The following ABCA12 variants were observed in gnomAD, a reference collection of about 807,000 sequenced individuals.
ABCA12 encodes ATP binding cassette subfamily A member 12, also known as glucosylceramide transporter ABCA12.
ABCA12 carries 156 observed loss-of-function variants against 293.5 expected under a neutral mutation model. The observed-to-expected ratio is 0.53, with a 90% CI of 0.47 to 0.61. ABCA12 has a LOEUF of 0.61. Ranked by LOEUF, ABCA12 falls within the 20% of genes least tolerant of loss-of-function variation. The pLI, the probability that ABCA12 is intolerant of heterozygous loss-of-function variation, is 0.00. For synonymous variants in ABCA12, 1,063 were observed against 1,108.0 expected (o/e 0.96, Z 0.81); for missense variants, 2,797 against 3,090.2 (o/e 0.91, Z 2.25).
At chr2:215,072,225 A>G (rs1701752139) in intron 2 of ABCA12, among the ~76,000 whole-genome samples, 1 of 152,136 alleles carries the variant, frequency 6.6e-6, no homozygotes, top group South Asian at 2.1e-4. Flanking sequence ...GATCTTTCTG[A>G]CATCCTCTGC....
rs146677822 is a variant in ABCA12 at position 215,078,326 on chromosome 2, C to A, written c.164-14107G>T. On this transcript the variant is annotated intron_variant, in intron 2 of 52. Transcript: ENST00000272895. ...TGGCAAACTCAGGCCAGCAGTCTGC[C>A]ACTTGGTAGAGCAAAGTAACTTGAG... Among the ~76,000 whole-genome samples, 280 of 152,290 alleles carry A rather than the reference C, an allele frequency of 1.8e-3. 1 individual carries two copies. The highest frequency in any genetic ancestry group is 6.2e-3 in the African/African-American group (259 of 41,564).
intron 21 of ABCA12, 115 bp downstream of exon 21, chr2:215,001,443 G>C (rs1303884187): frequency 7.8e-7 from 1 of 1,275,936 alleles, no homozygotes; most frequent in African/African-American, 1.5e-5. Context: ...AAGGACATCA[G>C]AGGACCTAAG....
intron 41 of ABCA12, among the ~76,000 whole-genome samples, chr2:214,957,634 A>G (rs1441591295): frequency 3.3e-5 from 5 of 152,194 alleles, no homozygotes; most frequent in Non-Finnish European, 7.3e-5. Context: ...CAACTCAGAC[A>G]ATTTCACCAT....
At chr2:214,989,755 A>G (rs1465160381) in intron 24 of ABCA12, 134 bp from the exon 25 acceptor site, 57 of 928,528 alleles carry the variant, frequency 6.1e-5, no homozygotes, top group Non-Finnish European at 7.0e-5. Context: ...ATATTTAAAA[A>G]TACAGCAGTC....
chr2:215,071,756 C>T lies in ABCA12; in HGVS notation c.164-7537G>A, dbSNP rs1302137373. Among the ~76,000 whole-genome samples, 7 of 152,278 alleles carry T rather than the reference C, an allele frequency of 4.6e-5. No individual in the cohort carries two copies. In the East Asian group the frequency reaches 5.8e-4, roughly 13 times the overall value. ...GGAACCATGAGTTACCATTGCTCATCGGGCTTCTCTTGCATCATTCATCTT... is the reference window on the plus strand; with the variant it reads ...GGAACCATGAGTTACCATTGCTCATTGGGCTTCTCTTGCATCATTCATCTT... On this transcript the variant is annotated intron_variant, in intron 2 of 52. Coordinates refer to ENST00000272895, the MANE Select transcript of ABCA12 (RefSeq NM_173076.3).
intron 34 of ABCA12, among the ~76,000 whole-genome samples, chr2:214,975,122 G>A (rs546900793): frequency 7.9e-5 from 12 of 152,264 alleles, no homozygotes; most frequent in South Asian, 2.1e-4. Flanking sequence ...TTGCCACCAG[G>A]CCTGGCTAAT....
At chr2:215,022,965 A>G (rs774727347) in intron 11 of ABCA12, 2 of 152,242 alleles carry the variant, frequency 1.3e-5, no homozygotes, top group Non-Finnish European at 2.9e-5. Context: ...AAGAAAAAAG[A>G]TAAAACAATG....
intron 2 of ABCA12, among the ~76,000 whole-genome samples, chr2:215,065,845 A>G (rs951204575): frequency 8.5e-5 from 13 of 152,124 alleles, no homozygotes; most frequent in African/African-American, 3.1e-4. Flanking sequence ...ATAGAAAAAA[A>G]TAGTTTAAAA....
intron 23 of ABCA12, among the ~76,000 whole-genome samples, chr2:214,992,774 T>C (rs974860718): frequency 2.6e-5 from 4 of 151,938 alleles, no homozygotes; most frequent in Admixed American, 1.3e-4. Context: ...GACAGGAGAA[T>C]AGCCTGAACC....
Position 214,986,670 on chromosome 2 carries a change from C to A in ABCA12, c.4035G>T (p.Gly1345=), listed in dbSNP as rs757204233. The change falls in exon 28 of 53, where the codon GGG becomes GGT. Residue 1345 remains glycine (G), a synonymous_variant. Coordinates refer to ENST00000272895, the MANE Select transcript of ABCA12 (RefSeq NM_173076.3). ...TCTTTGTGACCCCATGCAGGGCAAC[C>A]CCGACTGTGAGATCTTTAGGTTCAG... ...IEPEPKDLTV[G]VALHGVTKIY... is the part of the protein sequence containing the mutation. The A allele has an allele frequency of 1.2e-6, 2 of 1,614,040 alleles. No individual in the cohort carries two copies. Among genetic ancestry groups the A allele is most frequent in the East Asian group, 2.2e-5 (1 of 44,880 alleles).
At chr2:215,084,628 T>C (rs1430068363) in intron 2 of ABCA12, among the ~76,000 whole-genome samples, 2 of 152,166 alleles carry the variant, frequency 1.3e-5, no homozygotes, top group African/African-American at 4.8e-5. Context: ...AAGCTTCTCG[T>C]AACTATTATC....
rs3050094 is a variant in ABCA12, at chr2:215,051,609, AGTGTGTGT to A, written c.507+870_507+877del. On this transcript the variant is annotated intron_variant, in intron 5 of 52. Transcript: ENST00000272895. ...ATATAGATATATTATTAAAAACGCT[AGTGTGTGT>A]GTGTGTGTGTGTGTGTGTGTGTGTG... Among the ~76,000 whole-genome samples the A allele has an allele frequency of 9.1e-3, 1,110 of 121,426 alleles. 16 individuals are homozygous for A. Among genetic ancestry groups the A allele is most frequent in the African/African-American group, 0.028 (1,026 of 36,158 alleles). 79.7% of individuals were successfully genotyped at this position (121,426 alleles called of 152,430 possible).
rs559348355 is a variant in ABCA12 at position 215,115,089 on chromosome 2, G to A, written c.70-3399C>T. ...ACATATTTTGAATCCAGACAAAAAT[G>A]CAATCTATACCAGAGACGTTTAAGG... On this transcript the variant is annotated intron_variant, in intron 1 of 52. Coordinates refer to ENST00000272895, the MANE Select transcript of ABCA12 (RefSeq NM_173076.3). Among the ~76,000 whole-genome samples the A allele has an allele frequency of 3.0e-4, 46 of 152,282 alleles. No homozygotes were observed. In the South Asian group the frequency reaches 8.5e-3, roughly 28 times the overall value.
At chr2:214,987,820 T>G (rs764725401) in intron 26 of ABCA12, 27 bp from the exon 27 acceptor site, 2 of 1,610,300 alleles carry the variant, frequency 1.2e-6, no homozygotes, top group Non-Finnish European at 1.7e-6. Flanking sequence ...TCAGGAACAG[T>G]GAGTTTTAGT....
chr2:215,011,823 G>T, intron 16 of ABCA12, 148 bp downstream of exon 16: 1 of 1,152,978 alleles, frequency 8.7e-7, no homozygotes, highest in Non-Finnish European at 1.3e-6. Context: ...AATTAAAGTG[G>T]CAAAAAGTGT....
chr2:215,136,851 T>C (rs1365886656), intron 1 of ABCA12, among the ~76,000 whole-genome samples: 2 of 152,076 alleles, frequency 1.3e-5, no homozygotes, highest in East Asian at 3.9e-4. Flanking sequence ...TCATGCCACA[T>C]CATGGTGGGA....
chr2:215,012,168 T>C, intron 15 of ABCA12, 33 bp from the exon 16 acceptor site: 1 of 1,606,868 alleles, frequency 6.2e-7, no homozygotes, highest in Non-Finnish European at 8.5e-7. Context: ...AAATGCTTTA[T>C]GTGGAAAAAT....
intron 1 of ABCA12, among the ~76,000 whole-genome samples, chr2:215,137,448 G>A (rs1163598289): frequency 6.6e-6 from 1 of 152,164 alleles, no homozygotes; most frequent in African/African-American, 2.4e-5. Flanking sequence ...CATCCTGGGA[G>A]CCATCTGATG....
At chr2:215,059,131 G>T (rs1001709047) in intron 3 of ABCA12, among the ~76,000 whole-genome samples, 1 of 151,994 alleles carries the variant, frequency 6.6e-6, no homozygotes, top group African/African-American at 2.4e-5. Context: ...AGTTAAATTT[G>T]TATATGTATT....
Sources: allele counts gnomAD v4.1 joint callset (sites outside exome capture counted in the v4.1 genomes callset), GRCh38; gene constraint gnomAD v4.1.1; transcripts MANE v1.5; gene names NCBI Gene and HGNC (gene_info 2026-07-23, HGNC 2026-07-21).